The following LMTK2 variants were observed in gnomAD, a reference collection of about 807,000 sequenced individuals.
LMTK2 encodes serine/threonine-protein kinase LMTK2.
Under a neutral mutation model 127.5 loss-of-function variants are expected in LMTK2, and 37 were observed. That is an observed-to-expected ratio of 0.29 (90% CI 0.22 to 0.38). LMTK2 has a LOEUF of 0.38. Among genes scored for constraint, LMTK2 ranks in the 10% least tolerant of loss-of-function variants. The pLI, the probability that LMTK2 is intolerant of heterozygous loss-of-function variation, is 1.00. For missense variants in LMTK2, 1,694 were observed against 1,920.3 expected, an observed-to-expected ratio of 0.88 and a Z score of 2.20; for synonymous variants, 819 against 810.1, an observed-to-expected ratio of 1.01 and a Z score of -0.19.
At chr7:98,190,425 T>G (rs1797504856) in intron 9 of LMTK2, among the ~76,000 whole-genome samples, 1 of 152,100 alleles carries the variant, frequency 6.6e-6, no homozygotes, top group Non-Finnish European at 1.5e-5. Context: ...CTACTAAAAT[T>G]ATAAAAATTG....
chr7:98,119,858 ATGT>A (rs1382026685), intron 1 of LMTK2, among the ~76,000 whole-genome samples: 1 of 152,244 alleles, frequency 6.6e-6, no homozygotes, highest in Non-Finnish European at 1.5e-5. Context: ...CTAGGATAAT[ATGT>A]TGTTAGCATC....
rs756361191 is a variant in LMTK2 at position 98,193,134 on chromosome 7, G to A, written c.2669G>A (p.Ser890Asn). The change falls in exon 11 of 14, where the codon AGT (serine) becomes AAT (asparagine). Residue 890 changes from serine to asparagine, a missense_variant. Physicochemically the swap from Ser to Asn is conservative, Grantham distance 46 (BLOSUM62 1). Transcript: ENST00000297293. This position sits in a 1 kb window ranked among gnomAD's most constrained non-coding sequence, Gnocchi z 4.1. ...AGGTCCCAGGACTCTCCTGGCGAGA[G>A]TGAGGAGACCCTGCGACTCACCGAA... ...DNRSQDSPGE[S>N]EETLRLTESD... The A allele has an allele frequency of 3.6e-5, 58 of 1,613,424 alleles. No homozygotes were observed. Among genetic ancestry groups the A allele is most frequent in the Non-Finnish European group, 4.7e-5 (55 of 1,180,018 alleles).
intron 6 of LMTK2, among the ~76,000 whole-genome samples, chr7:98,168,416 C>T (rs1157151763): frequency 6.6e-6 from 1 of 152,234 alleles, no homozygotes; most frequent in Non-Finnish European, 1.5e-5. Flanking sequence ...GGCGTGGCGG[C>T]GTCAGCTGCC....
At chr7:98,199,978 A>G (rs1238281814) in intron 11 of LMTK2, among the ~76,000 whole-genome samples, 1 of 152,050 alleles carries the variant, frequency 6.6e-6, no homozygotes, top group Non-Finnish European at 1.5e-5. Flanking sequence ...TAATAAAATT[A>G]TTGATATTTT....
intron 13 of LMTK2, 50 bp downstream of exon 13, chr7:98,204,236 G>A: frequency 2.6e-6 from 2 of 759,166 alleles, no homozygotes; most frequent in Non-Finnish European, 4.7e-6. Context: ...CGGGGGTGGG[G>A]CGCTGCAGCT....
At chr7:98,120,577 T>C (rs1796346808) in intron 1 of LMTK2, among the ~76,000 whole-genome samples, 1 of 152,206 alleles carries the variant, frequency 6.6e-6, no homozygotes, top group South Asian at 2.1e-4. Context: ...TAAATTTAAG[T>C]TTAAAGTATT....
chr7:98,117,540 T>C (rs1402241629), intron 1 of LMTK2, among the ~76,000 whole-genome samples: 1 of 152,200 alleles, frequency 6.6e-6, no homozygotes, highest in Admixed American at 6.5e-5. Flanking sequence ...TCCTCATTTT[T>C]TTTTTAAGCA....
At chr7:98,184,906 A>C (rs753352835) in intron 7 of LMTK2, 145 bp from the exon 8 acceptor site, 8 of 565,534 alleles carry the variant, frequency 1.4e-5, no homozygotes, top group Non-Finnish European at 2.3e-5. Context: ...TACTATGAAA[A>C]AGAATTTTGA....
At chr7:98,203,845 G>A in intron 12 of LMTK2, 99 bp from the exon 13 acceptor site, 1 of 1,578,350 alleles carries the variant, frequency 6.3e-7, no homozygotes, top group South Asian at 1.1e-5. Context: ...GCCGGGCCGG[G>A]CTGTGTCTTC....
At chr7:98,144,853 C>T (rs1329878300) in intron 3 of LMTK2, among the ~76,000 whole-genome samples, 2 of 151,256 alleles carry the variant, frequency 1.3e-5, no homozygotes, top group Non-Finnish European at 2.9e-5. Flanking sequence ...ATCATTAAAG[C>T]GTATGTATTC....
intron 1 of LMTK2, among the ~76,000 whole-genome samples, chr7:98,116,421 T>TGTGC (rs1341071994): frequency 6.8e-6 from 1 of 146,122 alleles, no homozygotes; most frequent in Non-Finnish European, 1.5e-5. Flanking sequence ...TGCGTGTGTT[T>TGTGC]GTGCGTGTGT....
At chr7:98,140,141 TCTTTTCTTTTCTTTTCTTTTCTTTTC>T (rs1562902671) in intron 2 of LMTK2, among the ~76,000 whole-genome samples, 151 of 2,468 alleles carry the variant, frequency 0.061, 33 homozygotes, top group African/African-American at 0.099. Flanking sequence ...TTTCTTTCTT[TCTTTTCTTTTCTTTTCTTTTCTTTTC>T]TTTTCTTTCT....
intron 3 of LMTK2, among the ~76,000 whole-genome samples, chr7:98,142,692 C>G (rs34320281): frequency 6.6e-6 from 1 of 152,146 alleles, no homozygotes; most frequent in South Asian, 2.1e-4. Flanking sequence ...TTAGATCAGC[C>G]TAAGTGGAAA....
At chr7:98,204,842 C>T (rs771629993) in intron 13 of LMTK2, among the ~76,000 whole-genome samples, 1 of 152,222 alleles carries the variant, frequency 6.6e-6, no homozygotes, top group Non-Finnish European at 1.5e-5. Context: ...CTCCTCCTTT[C>T]CCAGAGAGAA....
intron 1 of LMTK2, among the ~76,000 whole-genome samples, chr7:98,112,970 CCTCAGCCT>C (rs1796224622): frequency 6.6e-6 from 1 of 152,190 alleles, no homozygotes; most frequent in South Asian, 2.1e-4. Flanking sequence ...AATCCTCCTG[CCTCAGCCT>C]CCTGAGTAGG....
At chr7:98,132,638 T>G (rs570122835) in intron 1 of LMTK2, among the ~76,000 whole-genome samples, 1 of 152,238 alleles carries the variant, frequency 6.6e-6, no homozygotes, top group South Asian at 2.1e-4. Context: ...GGTAACCAAA[T>G]AGTAAATGTG....
chr7:98,197,442 G>A (rs1562923339), intron 11 of LMTK2, among the ~76,000 whole-genome samples: 1 of 152,222 alleles, frequency 6.6e-6, no homozygotes, highest in Non-Finnish European at 1.5e-5. Context: ...TCGACTTTTA[G>A]CACTTGCGAT....
intron 1 of LMTK2, among the ~76,000 whole-genome samples, chr7:98,108,610 T>TAC: frequency 6.6e-6 from 1 of 152,288 alleles, no homozygotes; most frequent in East Asian, 1.9e-4. Context: ...TGTTATCAGA[T>TAC]GTGTATAGGC....
At chr7:98,123,308 C>T (rs531922490) in intron 1 of LMTK2, among the ~76,000 whole-genome samples, 1 of 152,208 alleles carries the variant, frequency 6.6e-6, no homozygotes, top group East Asian at 1.9e-4. Flanking sequence ...AATCAGCATT[C>T]ATTATTTACA....
Sources: gnomAD v4.1 joint callset for allele counts (sites outside exome capture counted in the v4.1 genomes callset) on GRCh38, gnomAD v4.1.1 for gene constraint, Gnocchi (gnomAD v3.1) non-coding constraint, MANE v1.5 for transcripts, NCBI Gene and HGNC (gene_info 2026-07-23, HGNC 2026-07-21) for gene names.